MTUS2: variants seen among roughly 807,000 people sequenced by gnomAD.
The protein encoded by MTUS2 is microtubule associated scaffold protein 2.
In MTUS2, 40 loss-of-function variants were observed where a neutral mutation model predicts 114.1. That is an observed-to-expected ratio of 0.35 (90% confidence interval 0.27 to 0.46). The LOEUF (loss-of-function observed/expected upper bound fraction) is 0.46, where lower values mean the gene tolerates loss of function less well. Ranked by LOEUF, MTUS2 falls within the 20% of genes least tolerant of loss-of-function variation. MTUS2 has a pLI of 1.00. For synonymous variants in MTUS2, 688 were observed against 672.0 expected (o/e 1.02, Z -0.37); for missense variants, 1,679 against 1,705.4 (o/e 0.98, Z 0.27).
chr13:29,323,378 T>G (rs893257874), intron 6 of MTUS2, among the ~76,000 whole-genome samples: 1 of 152,090 alleles, frequency 6.6e-6, no homozygotes, highest in Non-Finnish European at 1.5e-5. Flanking sequence ...GCCTCCCGTG[T>G]AGCTGGGACT....
intron 8 of MTUS2, among the ~76,000 whole-genome samples, chr13:29,438,619 TATC>T (rs1877598532): frequency 6.6e-6 from 1 of 152,038 alleles, no homozygotes; most frequent in African/African-American, 2.4e-5. Context: ...CACCTCCTAA[TATC>T]ATCAGCTTGG....
intron 9 of MTUS2, among the ~76,000 whole-genome samples, chr13:29,443,243 T>C (rs1878025434): frequency 6.6e-6 from 1 of 152,210 alleles, no homozygotes; most frequent in African/African-American, 2.4e-5. Flanking sequence ...AGATAAAAGA[T>C]GGAAATTTCC....
chr13:28,996,523 G>A (rs2138361067), intron 2 of MTUS2, among the ~76,000 whole-genome samples: 1 of 152,170 alleles, frequency 6.6e-6, no homozygotes, highest in African/African-American at 2.4e-5. Flanking sequence ...GAATCCATCT[G>A]GTCCTGGACT....
At chr13:29,466,224 C>T (rs2138817026) in intron 9 of MTUS2, among the ~76,000 whole-genome samples, 1 of 152,364 alleles carries the variant, frequency 6.6e-6, no homozygotes, top group East Asian at 1.9e-4. Flanking sequence ...ATATGCCTGG[C>T]ATTGCATCAA....
rs370038520 is a variant in MTUS2 at position 29,497,442 on chromosome 13, C to T, written c.3678+106C>T. On this transcript the variant is annotated intron_variant, in intron 13 of 15. Transcript: ENST00000612955. Reference sequence around the variant, plus strand: ...CCAAGACAAGGCCTCTCTGTGAATCCGCTGCTGAAGTGACAGCTGGTCACG... The same window carrying T: ...CCAAGACAAGGCCTCTCTGTGAATCTGCTGCTGAAGTGACAGCTGGTCACG... The T allele has an allele frequency of 6.5e-4, 625 of 960,574 alleles. 7 individuals carry two copies. In the South Asian group the frequency reaches 7.0e-3, roughly 11 times the overall value. The allele number at this position is 960,574 out of a possible 1,614,324, so 59.5% of individuals were successfully genotyped here.
chr13:28,858,253 A>C (rs1876758471), intron 2 of MTUS2, among the ~76,000 whole-genome samples: 4 of 152,080 alleles, frequency 2.6e-5, no homozygotes, highest in Admixed American at 2.6e-4. Flanking sequence ...TCAGATTTTT[A>C]GTTTATGTAA....
chr13:29,007,647 A>C (rs1000996770), intron 2 of MTUS2, among the ~76,000 whole-genome samples: 5 of 152,194 alleles, frequency 3.3e-5, no homozygotes, highest in African/African-American at 1.2e-4. Flanking sequence ...AGCCTACTCA[A>C]CGTGAAGATG....
At chr13:29,060,362 G>A (rs1020322821) in intron 4 of MTUS2, among the ~76,000 whole-genome samples, 7 of 152,028 alleles carry the variant, frequency 4.6e-5, no homozygotes, top group Non-Finnish European at 1.0e-4. Flanking sequence ...TGTGGAGAGT[G>A]TGAATCCCCA....
intron 6 of MTUS2, among the ~76,000 whole-genome samples, chr13:29,318,957 C>G (rs1468618849): frequency 2.0e-5 from 3 of 152,186 alleles, no homozygotes; most frequent in Non-Finnish European, 4.4e-5. Context: ...GGCTTCTCTT[C>G]TGAGACCAGA....
chr13:28,820,041 C>T (rs1873777263), upstream of MTUS2, among the ~76,000 whole-genome samples: 1 of 147,092 alleles, frequency 6.8e-6, no homozygotes, highest in Admixed American at 6.8e-5. Flanking sequence ...CCGCTCGCCG[C>T]CCGGCCACTG....
In MTUS2 at chr13:29,334,284, C is replaced by A. The variant is rs143106266; in HGVS notation, c.2905+9573C>A. Among the ~76,000 whole-genome samples the A allele has an allele frequency of 5.6e-3, 848 of 152,182 alleles. 3 individuals carry two copies. Among genetic ancestry groups the A allele is most frequent in the Non-Finnish European group, 8.4e-3 (570 of 68,032 alleles). ...TGGTTATTCTGCCATTTAGTTGATG[C>A]AGTTTCTTCATGGTGTCAATGGTCT... On this transcript the variant is annotated intron_variant, in intron 7 of 15. Coordinates refer to ENST00000612955, the MANE Select transcript of MTUS2 (RefSeq NM_001033602.4).
intron 4 of MTUS2, among the ~76,000 whole-genome samples, chr13:29,092,810 G>A (rs1890021732): frequency 6.6e-6 from 1 of 152,120 alleles, no homozygotes; most frequent in Non-Finnish European, 1.5e-5. Flanking sequence ...AAAGCAAGAG[G>A]GTTTGAAAAG....
intron 9 of MTUS2, among the ~76,000 whole-genome samples, chr13:29,470,358 A>T (rs1171274541): frequency 6.6e-6 from 1 of 152,126 alleles, no homozygotes; most frequent in East Asian, 1.9e-4. Context: ...CTTCCTGAGG[A>T]TTGTGACCCA....
intron 5 of MTUS2, among the ~76,000 whole-genome samples, chr13:29,169,772 A>G (rs1469196272): frequency 1.3e-5 from 2 of 152,160 alleles, no homozygotes. Context: ...GTGAAGCTTC[A>G]GGGTTGCCCT....
intron 6 of MTUS2, among the ~76,000 whole-genome samples, chr13:29,308,170 A>G (rs911492845): frequency 1.3e-5 from 2 of 152,212 alleles, no homozygotes; most frequent in African/African-American, 4.8e-5. Context: ...ACAAGACTAC[A>G]GTAACTAAAA....
At chr13:28,960,921 G>C (rs763155632) in intron 2 of MTUS2, among the ~76,000 whole-genome samples, 1 of 151,756 alleles carries the variant, frequency 6.6e-6, no homozygotes, top group African/African-American at 2.4e-5. Context: ...TGAAAAAAAC[G>C]AAAGTCTCCA....
chr13:29,297,600 G>A (rs1899005976), intron 6 of MTUS2, among the ~76,000 whole-genome samples: 1 of 152,146 alleles, frequency 6.6e-6, no homozygotes, highest in Non-Finnish European at 1.5e-5. Context: ...TACCTTGATT[G>A]AAAAATATGA....
At chr13:28,990,890 C>T (rs566309543) in intron 2 of MTUS2, among the ~76,000 whole-genome samples, 24 of 151,930 alleles carry the variant, frequency 1.6e-4, no homozygotes, top group African/African-American at 1.7e-4. Flanking sequence ...CAGAAGTCAG[C>T]GAGACCACGA....
intron 8 of MTUS2, among the ~76,000 whole-genome samples, chr13:29,411,076 C>T (rs530381956): frequency 2.0e-4 from 31 of 152,332 alleles, no homozygotes; most frequent in Non-Finnish European, 3.4e-4. Flanking sequence ...AGGTGATCTA[C>T]CTGCATTGGC....
Sources: gnomAD v4.1 joint callset for allele counts (sites outside exome capture counted in the v4.1 genomes callset) on GRCh38, gnomAD v4.1.1 for gene constraint, MANE v1.5 for transcripts, NCBI Gene and HGNC (gene_info 2026-07-23, HGNC 2026-07-21) for gene names.